Variants in DLC1 observed in about 807,000 individuals in gnomAD.
DLC1 encodes the protein rho GTPase-activating protein 7.
A neutral mutation model predicts 140.3 loss-of-function variants in DLC1; 54 were observed. The observed-to-expected ratio is 0.38, with a 90% CI of 0.31 to 0.48. The LOEUF is 0.48. Among genes scored for constraint, DLC1 ranks in the 20% least tolerant of loss-of-function variants. The pLI is 0.96. For synonymous variants in DLC1, 986 were observed against 728.1 expected, an observed-to-expected ratio of 1.35 and a Z score of -5.70; for missense variants, 2,536 against 1,907.0, an observed-to-expected ratio of 1.33 and a Z score of -6.14.
chr8:13,529,626 GA>G (rs1392426649), intron 1 of DLC1, among the ~76,000 whole-genome samples: 1 of 152,096 alleles, frequency 6.6e-6, no homozygotes, highest in African/African-American at 2.4e-5. Context: ...TCTAAAGACT[GA>G]TCTCTTATAT....
intron 5 of DLC1, among the ~76,000 whole-genome samples, chr8:13,268,090 T>C (rs1168845134): frequency 6.6e-6 from 1 of 152,208 alleles, no homozygotes; most frequent in African/African-American, 2.4e-5. Flanking sequence ...ATTTAAAGTA[T>C]AACTTCCAAT....
rs759154943 is a variant in DLC1 at position 13,092,832 on chromosome 8, G to A, written c.3527-7C>T. ...CGCTGGTCCTTGGGCACATCTGCAC[G>A]ACACCAGCACTTTCTCCATCAGCTT... On this transcript the variant is annotated splice_polypyrimidine_tract_variant and splice_region_variant and intron_variant, in intron 12 of 17. Transcript: ENST00000276297. 1.6e-5 allele frequency: 26 copies of A among 1,609,984 alleles called. No individual in the cohort carries two copies. The highest frequency in any genetic ancestry group is 4.5e-5 in the East Asian group (2 of 44,740).
chr8:13,179,343 T>C (rs1400528713), intron 5 of DLC1, among the ~76,000 whole-genome samples: 1 of 152,108 alleles, frequency 6.6e-6, no homozygotes, highest in East Asian at 1.9e-4. Flanking sequence ...CGGGTTTTAG[T>C]TAAAGAGGTA....
At chr8:13,305,335 T>A (rs1200222745) in intron 4 of DLC1, 33 bp from the exon 5 acceptor site, 1 of 1,562,342 alleles carries the variant, frequency 6.4e-7, no homozygotes, top group Non-Finnish European at 8.6e-7. Flanking sequence ...TGTGGTATTA[T>A]TAGGAAGAAA....
At chr8:13,312,863 G>A (rs1423956013) in intron 4 of DLC1, among the ~76,000 whole-genome samples, 2 of 152,156 alleles carry the variant, frequency 1.3e-5, no homozygotes, top group African/African-American at 4.8e-5. Context: ...AAGGAGTAAT[G>A]TAGACATGTA....
At chr8:13,502,721 A>C (rs756519548) in intron 1 of DLC1, among the ~76,000 whole-genome samples, 3 of 151,722 alleles carry the variant, frequency 2.0e-5, no homozygotes, top group Non-Finnish European at 4.4e-5. Context: ...ATTTAAAATT[A>C]CATTTCAAAA....
chr8:13,260,400 A>G (rs1176003833), intron 5 of DLC1, among the ~76,000 whole-genome samples: 1 of 152,220 alleles, frequency 6.6e-6, no homozygotes, highest in African/African-American at 2.4e-5. Flanking sequence ...GGTGGACAGG[A>G]CAGGATTTTG....
At chr8:13,496,079 T>C (rs1391751060) in intron 2 of DLC1, among the ~76,000 whole-genome samples, 2 of 152,214 alleles carry the variant, frequency 1.3e-5, no homozygotes, top group Non-Finnish European at 2.9e-5. Flanking sequence ...GTTTTAAATA[T>C]ATAGACAATT....
intron 5 of DLC1, among the ~76,000 whole-genome samples, chr8:13,302,314 T>C (rs1002505672): frequency 1.3e-5 from 2 of 152,222 alleles, no homozygotes; most frequent in African/African-American, 2.4e-5. Context: ...GCTTCCTCAG[T>C]AGAACCTAAT....
intron 1 of DLC1, among the ~76,000 whole-genome samples, chr8:13,585,014 A>G (rs951325960): frequency 2.6e-5 from 4 of 152,224 alleles, no homozygotes; most frequent in Non-Finnish European, 5.9e-5. Flanking sequence ...TATTCACTCA[A>G]TAAAGATTCT....
At chr8:13,141,971 C>A (rs1016999742) in intron 5 of DLC1, among the ~76,000 whole-genome samples, 1 of 152,174 alleles carries the variant, frequency 6.6e-6, no homozygotes, top group African/African-American at 2.4e-5. Context: ...TTTAGGGAGG[C>A]ACCTACTGGG....
chr8:13,303,248 A>AAC (rs1228639983), intron 5 of DLC1, among the ~76,000 whole-genome samples: 1 of 152,216 alleles, frequency 6.6e-6, no homozygotes, highest in Admixed American at 6.5e-5. Flanking sequence ...AAATCAGTCC[A>AAC]TCCTGAGTTG....
chr8:13,261,270 C>T (rs1022888487), intron 5 of DLC1, among the ~76,000 whole-genome samples: 9 of 152,048 alleles, frequency 5.9e-5, no homozygotes, highest in African/African-American at 2.2e-4. Flanking sequence ...AGGGAGAGAG[C>T]CATGTGACTG....
intron 4 of DLC1, among the ~76,000 whole-genome samples, chr8:13,359,224 C>A (rs569403197): frequency 2.8e-4 from 42 of 152,268 alleles, no homozygotes; most frequent in African/African-American, 9.9e-4. Flanking sequence ...AGGCGTGAGC[C>A]ACCGCACCCA....
At chr8:13,546,200 C>T (rs1803643004) in intron 1 of DLC1, among the ~76,000 whole-genome samples, 1 of 152,048 alleles carries the variant, frequency 6.6e-6, no homozygotes. Flanking sequence ...TTTGTTTCAG[C>T]AATAATCACA....
chr8:13,508,657 A>T (rs1272180854), intron 1 of DLC1, among the ~76,000 whole-genome samples: 5 of 152,102 alleles, frequency 3.3e-5, no homozygotes. Context: ...TGACCTCGTG[A>T]TCTGCCCACC....
At chr8:13,120,356 A>AAAAAAAAAT in intron 5 of DLC1, among the ~76,000 whole-genome samples, 2 of 61,136 alleles carry the variant, frequency 3.3e-5, no homozygotes, top group South Asian at 7.5e-4. Context: ...AAAAAAAAAA[A>AAAAAAAAAT]ATATATATAT....
intron 1 of DLC1, among the ~76,000 whole-genome samples, chr8:13,534,467 A>T (rs1803202952): frequency 6.6e-6 from 1 of 152,198 alleles, no homozygotes; most frequent in Admixed American, 6.5e-5. Flanking sequence ...AAACTGGAAC[A>T]TACTGTTCTG....
intron 5 of DLC1, among the ~76,000 whole-genome samples, chr8:13,121,229 C>A (rs183777525): frequency 1.2e-4 from 18 of 152,142 alleles, no homozygotes; most frequent in Non-Finnish European, 1.0e-4. Context: ...GCTAGAGAAC[C>A]GTGTCAGCTG....
Sources: allele counts gnomAD v4.1 joint callset (sites outside exome capture counted in the v4.1 genomes callset), GRCh38; gene constraint gnomAD v4.1.1; transcripts MANE v1.5; gene names NCBI Gene and HGNC (gene_info 2026-07-23, HGNC 2026-07-21).